CPLX1: variants seen among roughly 807,000 people sequenced by gnomAD.
CPLX1 encodes complexin 1, also known as complexin-1.
Under a neutral mutation model 15.6 loss-of-function variants are expected in CPLX1, and 6 were observed. The ratio of observed to expected loss-of-function variants is 0.39; its 90% CI spans 0.21 to 0.76. The LOEUF is 0.76. Ranked by LOEUF, CPLX1 falls within the 30% of genes least tolerant of loss-of-function variation. The pLI is 0.43. For missense variants in CPLX1, 242 were observed against 188.6 expected (o/e 1.28, Z -1.66); for synonymous variants, 91 against 75.2 (o/e 1.21, Z -1.08).
At chr4:821,213 C>G (rs1396178513) in intron 2 of CPLX1, among the ~76,000 whole-genome samples, 1 of 152,200 alleles carries the variant, frequency 6.6e-6, no homozygotes, top group Non-Finnish European at 1.5e-5. Flanking sequence ...CGGACACTGT[C>G]CATCGTGACT....
chr4:824,295 G>C (rs891793935), intron 2 of CPLX1, among the ~76,000 whole-genome samples, 197 bp downstream of exon 2: 1 of 152,332 alleles, frequency 6.6e-6, no homozygotes, highest in East Asian at 1.9e-4. Flanking sequence ...GTTCTGGCTC[G>C]GGGCCTCGAA....
chr4:792,457 G>A lies in CPLX1; in HGVS notation c.183C>T (p.Ala61=), dbSNP rs775090510. The change falls in exon 3 of 4, where the codon GCC becomes GCT. Residue 61 remains alanine (A), a synonymous_variant. Transcript: ENST00000304062. The part of the protein sequence containing the change: ...KYAKMEAERE[A]VRQGIRDKYG... ...CCTTGTCTCGGATGCCCTGGCGCACGGCCTCGCGCTCCGCCTCCATCTTGG... is the reference window on the plus strand; with the variant it reads ...CCTTGTCTCGGATGCCCTGGCGCACAGCCTCGCGCTCCGCCTCCATCTTGG... 7.3e-5 allele frequency: 117 copies of A among 1,602,576 alleles called. No homozygotes were observed. The highest frequency in any genetic ancestry group is 4.1e-4 in the Admixed American group (24 of 59,166).
intron 2 of CPLX1, among the ~76,000 whole-genome samples, chr4:799,403 A>C (rs1003283123): frequency 3.3e-5 from 5 of 152,214 alleles, no homozygotes; most frequent in Non-Finnish European, 5.9e-5. Flanking sequence ...GGCTGGAAGG[A>C]AGGCGAAGAA....
rs956885804 is a variant in CPLX1 at position 804,961 on chromosome 4, C to G, written c.32-12353G>C. ...TGCGGAGTTCACCCGGCGTCCCACT[C>G]CTGCGCGGCGGCCGGCTAGGGCGGG... On this transcript the variant is annotated intron_variant, in intron 2 of 3. Transcript: ENST00000304062. 4 of 984,944 alleles carry G rather than the reference C, an allele frequency of 4.1e-6. No individual in the cohort carries two copies. In the African/African-American group the frequency reaches 7.0e-5, roughly 17 times the overall value. 61.0% of individuals were successfully genotyped at this position (984,944 alleles called of 1,614,324 possible).
chr4:804,097 G>A (rs1746511139), intron 2 of CPLX1, among the ~76,000 whole-genome samples: 1 of 152,242 alleles, frequency 6.6e-6, no homozygotes, highest in Admixed American at 6.5e-5. Flanking sequence ...CACGGCCTGG[G>A]CGTGCAGGAG....
chr4:796,227 G>A lies in CPLX1; in HGVS notation c.32-3619C>T, dbSNP rs186408203. ...CATTTTGAAATAATTGTAGATTTAC[G>A]GAAGAGTCACAAAGATTGTATAAGA... On this transcript the variant is annotated intron_variant, in intron 2 of 3. Transcript: ENST00000304062. Among the ~76,000 whole-genome samples, 16 of 152,226 alleles carry A rather than the reference G, an allele frequency of 1.1e-4. No individual in the cohort carries two copies. The East Asian group carries it at 2.7e-3, about 26-fold the overall frequency.
At chr4:795,092 C>A (rs189514052) in intron 2 of CPLX1, among the ~76,000 whole-genome samples, 108 of 152,362 alleles carry the variant, frequency 7.1e-4, no homozygotes, top group Non-Finnish European at 1.3e-3. Context: ...AGGGACCCGC[C>A]GCGAACCTGG....
chr4:810,032 G>A (rs1746633458), intron 2 of CPLX1, among the ~76,000 whole-genome samples: 2 of 150,868 alleles, frequency 1.3e-5, no homozygotes, highest in Admixed American at 1.3e-4. Flanking sequence ...ACACGTCTGT[G>A]TGGATCTGCA....
intron 3 of CPLX1, chr4:787,595 G>C (rs745818772): frequency 1.2e-6 from 1 of 828,054 alleles, no homozygotes; most frequent in Non-Finnish European, 1.5e-6. Context: ...AGGAGGTCGC[G>C]AGTGGTCAAG....
At chr4:811,175 T>A (rs1746660089) in intron 2 of CPLX1, among the ~76,000 whole-genome samples, 1 of 152,122 alleles carries the variant, frequency 6.6e-6, no homozygotes, top group Non-Finnish European at 1.5e-5. Flanking sequence ...AATTTTTAAA[T>A]TTTTTATAGA....
chr4:821,000 A>G (rs909995801), intron 2 of CPLX1, among the ~76,000 whole-genome samples: 2 of 151,820 alleles, frequency 1.3e-5, no homozygotes, highest in East Asian at 1.9e-4. Context: ...GATGACCACA[A>G]TCCTCCCCCT....
chr4:812,689 G>C (rs1406350852), intron 2 of CPLX1, among the ~76,000 whole-genome samples: 1 of 152,180 alleles, frequency 6.6e-6, no homozygotes, highest in Non-Finnish European at 1.5e-5. Flanking sequence ...TTAGGGGCCA[G>C]GCACGGTGGC....
intron 2 of CPLX1, among the ~76,000 whole-genome samples, chr4:821,209 C>T (rs1746856106): frequency 6.6e-6 from 1 of 152,212 alleles, no homozygotes; most frequent in South Asian, 2.1e-4. Context: ...CTGCCGGACA[C>T]TGTCCATCGT....
At chr4:804,155 G>A (rs1377748502) in intron 2 of CPLX1, among the ~76,000 whole-genome samples, 1 of 152,216 alleles carries the variant, frequency 6.6e-6, no homozygotes, top group Non-Finnish European at 1.5e-5. Context: ...CAGTCCCACA[G>A]CCACGAACGT....
chr4:810,930 C>G (rs919509366), intron 2 of CPLX1, among the ~76,000 whole-genome samples: 1 of 151,912 alleles, frequency 6.6e-6, no homozygotes, highest in Admixed American at 6.6e-5. Flanking sequence ...CTCCTGAGCT[C>G]AGGTGATCCG....
intron 2 of CPLX1, among the ~76,000 whole-genome samples, chr4:805,937 C>A (rs1016867062): frequency 6.6e-6 from 1 of 151,646 alleles, no homozygotes; most frequent in Non-Finnish European, 1.5e-5. Context: ...GTGGTGGGTG[C>A]GAGGGGCTGG....
rs1745990747 is a variant in CPLX1, at chr4:786,444, C to T, written c.*57G>A. On this transcript the variant is annotated 3_prime_UTR_variant, in exon 4 of 4. Transcript: ENST00000304062. The stretch of plus-strand genomic sequence containing the variant: ...TCTGCTCGTCCCTCAGGGGCCTCCG[C>T]GGAGGATCTGTAGGGGGAGGGGCGG... 5 of 1,480,348 alleles carry T rather than the reference C, an allele frequency of 3.4e-6. No homozygotes were observed. Among genetic ancestry groups the T allele is most frequent in the Non-Finnish European group, 4.5e-6 (5 of 1,108,332 alleles). 91.7% of individuals were successfully genotyped at this position (1,480,348 alleles called of 1,614,324 possible).
At chr4:820,424 G>A (rs1043235106) in intron 2 of CPLX1, among the ~76,000 whole-genome samples, 1 of 152,234 alleles carries the variant, frequency 6.6e-6, no homozygotes, top group Non-Finnish European at 1.5e-5. Context: ...GAGAGCCAGA[G>A]GGACCTCTGT....
intron 2 of CPLX1, among the ~76,000 whole-genome samples, chr4:824,014 C>CG (rs1327689769): frequency 6.6e-6 from 1 of 152,252 alleles, no homozygotes; most frequent in African/African-American, 2.4e-5. Context: ...ACAGGGTCCT[C>CG]GCCAGATGCA....
Sources: gnomAD v4.1 joint callset for allele counts (sites outside exome capture counted in the v4.1 genomes callset) on GRCh38, gnomAD v4.1.1 for gene constraint, MANE v1.5 for transcripts, NCBI Gene and HGNC (gene_info 2026-07-23, HGNC 2026-07-21) for gene names.